GLRA3: variants seen among roughly 807,000 people sequenced by gnomAD.
The protein encoded by GLRA3 is glycine receptor alpha 3.
Under a neutral mutation model 60.4 loss-of-function variants are expected in GLRA3, and 44 were observed. That is an observed-to-expected ratio of 0.73 (90% CI 0.57 to 0.94). GLRA3 has a LOEUF of 0.94. GLRA3 is among the 40% of genes least tolerant of loss of function. The pLI is 0.00. For missense variants in GLRA3, 508 were observed against 564.6 expected, an observed-to-expected ratio of 0.90 and a Z score of 1.02; for synonymous variants, 223 against 192.9, an observed-to-expected ratio of 1.16 and a Z score of -1.29.
chr4:174,721,994 T>C (rs1323405442), intron 4 of GLRA3, among the ~76,000 whole-genome samples: 1 of 152,074 alleles, frequency 6.6e-6, no homozygotes, highest in African/African-American at 2.4e-5. Flanking sequence ...GGAGAAACTC[T>C]GGACAGCCAT....
chr4:174,720,763 G>T (rs1011071197), intron 4 of GLRA3, among the ~76,000 whole-genome samples: 2 of 152,278 alleles, frequency 1.3e-5, no homozygotes, highest in East Asian at 3.9e-4. Context: ...GTGGTAGAGA[G>T]TTAAATGTAC....
At chr4:174,670,277 C>T (rs1202970219) in intron 7 of GLRA3, among the ~76,000 whole-genome samples, 3 of 152,068 alleles carry the variant, frequency 2.0e-5, no homozygotes, top group Non-Finnish European at 4.4e-5. Context: ...TCTATAGCAT[C>T]ATTTTTATTG....
At chr4:174,695,096 C>CA (rs968298345) in intron 5 of GLRA3, among the ~76,000 whole-genome samples, 6 of 151,226 alleles carry the variant, frequency 4.0e-5, no homozygotes, top group African/African-American at 9.7e-5. Flanking sequence ...GCCTACCAAC[C>CA]AAAAAAAATG....
At chr4:174,721,932 A>C (rs1475350953) in intron 4 of GLRA3, among the ~76,000 whole-genome samples, 2 of 151,924 alleles carry the variant, frequency 1.3e-5, no homozygotes, top group South Asian at 2.1e-4. Flanking sequence ...TATATATAAC[A>C]AATAGGGAAA....
At chr4:174,720,192 C>G (rs1403094237) in intron 4 of GLRA3, among the ~76,000 whole-genome samples, 1 of 152,102 alleles carries the variant, frequency 6.6e-6, no homozygotes, top group Non-Finnish European at 1.5e-5. Flanking sequence ...TCATATTTAA[C>G]TGCCTATGAT....
chr4:174,643,858 C>T lies in GLRA3; in HGVS notation c.1323G>A (p.Leu441=), dbSNP rs1298187368. The part of the protein sequence containing the change: ...ISRACFPLAF[L]IFNIFYWVIY... ...TAACCCAGTAGAAAATATTAAAAAT[C>T]AAAAAAGCTAATGGGAAGCAGGCTC... is the stretch of plus-strand genomic sequence containing the variant. Residue 441 remains leucine, a synonymous_variant, in exon 10 of 10, where the codon TTG becomes TTA. Transcript: ENST00000274093. The T allele has an allele frequency of 6.2e-7, 1 of 1,613,796 alleles. No homozygotes were observed. Among genetic ancestry groups the T allele is most frequent in the Non-Finnish European group, 8.5e-7 (1 of 1,179,914 alleles).
At chr4:174,819,051 CTT>C (rs1560818707) in intron 1 of GLRA3, among the ~76,000 whole-genome samples, 1 of 152,184 alleles carries the variant, frequency 6.6e-6, no homozygotes, top group African/African-American at 2.4e-5. Flanking sequence ...TTGTACGTCT[CTT>C]TTTTATTGGA....
At chr4:174,781,219 G>A (rs1204973814) in intron 2 of GLRA3, among the ~76,000 whole-genome samples, 4 of 151,762 alleles carry the variant, frequency 2.6e-5, no homozygotes, top group Non-Finnish European at 5.9e-5. Context: ...TGACTACTGG[G>A]TACATAACGA....
At chr4:174,773,169 C>G (rs1200700185) in intron 2 of GLRA3, among the ~76,000 whole-genome samples, 1 of 152,164 alleles carries the variant, frequency 6.6e-6, no homozygotes, top group Non-Finnish European at 1.5e-5. Flanking sequence ...CCAATACACT[C>G]CTATGTTAAG....
chr4:174,709,165 T>C (rs1165541210), intron 5 of GLRA3, among the ~76,000 whole-genome samples: 1 of 152,102 alleles, frequency 6.6e-6, no homozygotes, highest in African/African-American at 2.4e-5. Context: ...GGTAATGGCA[T>C]CTGATAAGTA....
intron 7 of GLRA3, among the ~76,000 whole-genome samples, chr4:174,662,934 T>C (rs973576751): frequency 2.6e-4 from 39 of 151,526 alleles, no homozygotes; most frequent in African/African-American, 8.5e-4. Context: ...CATGTACATA[T>C]CTGCTGAGTG....
At chr4:174,765,108 G>A (rs1349079277) in intron 3 of GLRA3, among the ~76,000 whole-genome samples, 1 of 152,026 alleles carries the variant, frequency 6.6e-6, no homozygotes, top group Non-Finnish European at 1.5e-5. Flanking sequence ...CATGCTGAAG[G>A]AGAGAAATAA....
At chr4:174,663,409 T>C (rs559323272) in intron 7 of GLRA3, among the ~76,000 whole-genome samples, 8 of 152,280 alleles carry the variant, frequency 5.3e-5, no homozygotes, top group Admixed American at 4.6e-4. Flanking sequence ...ATATGACTCA[T>C]AAAGTATTTG....
intron 7 of GLRA3, among the ~76,000 whole-genome samples, chr4:174,669,240 T>A (rs979700657): frequency 2.0e-5 from 3 of 152,228 alleles, no homozygotes; most frequent in African/African-American, 7.2e-5. Flanking sequence ...CAAAAGCATT[T>A]CAAACTTCAT....
At chr4:174,789,709 C>T (rs1739250906) in intron 1 of GLRA3, among the ~76,000 whole-genome samples, 1 of 152,212 alleles carries the variant, frequency 6.6e-6, no homozygotes, top group Middle Eastern at 3.2e-3. Context: ...TCCAGCTCTT[C>T]ACTTACATAG....
chr4:174,825,059 G>T (rs981033625), intron 1 of GLRA3, among the ~76,000 whole-genome samples: 2 of 151,978 alleles, frequency 1.3e-5, no homozygotes, highest in Non-Finnish European at 2.9e-5. Flanking sequence ...CTTTCAATTG[G>T]CAGGGCAAAT....
At chr4:174,801,039 T>C (rs752392426) in intron 1 of GLRA3, among the ~76,000 whole-genome samples, 2 of 152,084 alleles carry the variant, frequency 1.3e-5, no homozygotes, top group Non-Finnish European at 2.9e-5. Context: ...ACTCAGCATG[T>C]TTAAGGTAGA....
At chr4:174,659,840 C>T (rs554919190) in intron 7 of GLRA3, among the ~76,000 whole-genome samples, 14 of 151,722 alleles carry the variant, frequency 9.2e-5, no homozygotes, top group Middle Eastern at 3.4e-3. Context: ...GGTGTGGTGG[C>T]GGGCGCCTAT....
chr4:174,792,669 C>G (rs1739402255), intron 1 of GLRA3, among the ~76,000 whole-genome samples: 1 of 152,118 alleles, frequency 6.6e-6, no homozygotes, highest in South Asian at 2.1e-4. Context: ...TACTGATTGC[C>G]TTAGGCACCT....
Sources: gnomAD v4.1 joint callset for allele counts (sites outside exome capture counted in the v4.1 genomes callset) on GRCh38, gnomAD v4.1.1 for gene constraint, MANE v1.5 for transcripts, NCBI Gene and HGNC (gene_info 2026-07-23, HGNC 2026-07-21) for gene names.